SYT1: variants seen among roughly 807,000 people sequenced by gnomAD.
SYT1 encodes synaptotagmin-1.
Under a neutral mutation model 44.8 loss-of-function variants are expected in SYT1, and 8 were observed. The ratio of observed to expected loss-of-function variants is 0.18; its 90% CI spans 0.10 to 0.32. SYT1 has a LOEUF of 0.32. Ranked by LOEUF, SYT1 falls within the 10% of genes least tolerant of loss-of-function variation. The probability of loss-of-function intolerance (pLI) is 1.00; values close to 1 mark genes in which losing one functional copy is unlikely to be tolerated. For synonymous variants in SYT1, 154 were observed against 188.8 expected, an observed-to-expected ratio of 0.82 and a Z score of 1.51; for missense variants, 286 against 509.3, an observed-to-expected ratio of 0.56 and a Z score of 4.22.
Position 79,036,786 on chromosome 12 carries a change from A to G in SYT1, c.-83-10511A>G, listed in dbSNP as rs552398577. Among the ~76,000 whole-genome samples, 7 of 151,852 alleles carry G rather than the reference A, an allele frequency of 4.6e-5. No homozygotes were observed. In the South Asian group the frequency reaches 1.5e-3, roughly 32 times the overall value. On this transcript the variant is annotated intron_variant, in intron 2 of 10. Coordinates refer to ENST00000261205, the MANE Select transcript of SYT1 (RefSeq NM_005639.3). ...TTCTATTTTTCTCATTTCTCTTTAT[A>G]TAATTCATATCAGGCTATTCTCTTT...
intron 4 of SYT1, among the ~76,000 whole-genome samples, chr12:79,249,088 C>CTTTCT (rs1877025840): frequency 5.6e-5 from 4 of 71,814 alleles, no homozygotes; most frequent in Admixed American, 2.3e-4. Flanking sequence ...TTACCTCTTT[C>CTTTCT]TTTTTTTTTT....
intron 4 of SYT1, among the ~76,000 whole-genome samples, chr12:79,250,806 C>T (rs1418360844): frequency 6.6e-6 from 1 of 152,150 alleles, no homozygotes; most frequent in African/African-American, 2.4e-5. Flanking sequence ...CAAAGCTGGA[C>T]ACCAAAGGGC....
intron 2 of SYT1, among the ~76,000 whole-genome samples, chr12:78,988,464 C>T (rs924288556): frequency 6.7e-6 from 1 of 148,566 alleles, no homozygotes; most frequent in African/African-American, 2.5e-5. Flanking sequence ...AGATATATGC[C>T]AAGAAGAAAA....
intron 3 of SYT1, among the ~76,000 whole-genome samples, chr12:79,149,356 G>A (rs182918908): frequency 2.0e-5 from 3 of 152,170 alleles, no homozygotes; most frequent in Admixed American, 2.0e-4. Context: ...ACTGAAATAT[G>A]TTTTTTCTGT....
At chr12:79,169,273 C>T (rs1032819857) in intron 3 of SYT1, among the ~76,000 whole-genome samples, 1 of 151,920 alleles carries the variant, frequency 6.6e-6, no homozygotes. Flanking sequence ...ACTATCCACA[C>T]CAAATTTTAT....
intron 1 of SYT1, among the ~76,000 whole-genome samples, chr12:78,897,576 G>T (rs1875431092): frequency 6.6e-6 from 1 of 152,072 alleles, no homozygotes; most frequent in South Asian, 2.1e-4. Flanking sequence ...TCAGATGATG[G>T]TTTCACACTG....
intron 8 of SYT1, among the ~76,000 whole-genome samples, chr12:79,313,249 C>T (rs942981893): frequency 2.0e-5 from 3 of 152,176 alleles, no homozygotes; most frequent in Admixed American, 2.0e-4. Flanking sequence ...CCAGTCCCTT[C>T]CATACCCATT....
chr12:79,185,443 T>A (rs1230887579), intron 3 of SYT1, among the ~76,000 whole-genome samples: 5 of 152,030 alleles, frequency 3.3e-5, no homozygotes, highest in Non-Finnish European at 2.9e-5. Flanking sequence ...ACCTTTCCAA[T>A]ATCCCTTCTG....
chr12:79,274,561 C>G (rs913870437), intron 4 of SYT1, among the ~76,000 whole-genome samples: 1 of 152,170 alleles, frequency 6.6e-6, no homozygotes, highest in Non-Finnish European at 1.5e-5. Context: ...CTTGGGCAGC[C>G]GCAGCGCAAA....
At chr12:79,365,793 T>C (rs1169119323) in intron 9 of SYT1, among the ~76,000 whole-genome samples, 3 of 126,388 alleles carry the variant, frequency 2.4e-5, no homozygotes, top group Non-Finnish European at 4.6e-5. Flanking sequence ...TAAAAATGTG[T>C]TGCTTAAAAA....
chr12:79,294,582 A>G, intron 6 of SYT1, among the ~76,000 whole-genome samples: 1 of 152,278 alleles, frequency 6.6e-6, no homozygotes, highest in East Asian at 1.9e-4. Context: ...TTAACAAAAT[A>G]TCCAAAAACT....
chr12:79,425,852 G>T (rs543151894), intron 9 of SYT1, among the ~76,000 whole-genome samples: 2 of 152,014 alleles, frequency 1.3e-5, no homozygotes, highest in South Asian at 2.1e-4. Flanking sequence ...ACTTATTGGC[G>T]TATGGCCTTT....
intron 2 of SYT1, among the ~76,000 whole-genome samples, chr12:79,007,865 A>G (rs1401971857): frequency 6.6e-6 from 1 of 152,074 alleles, no homozygotes; most frequent in Admixed American, 6.6e-5. Flanking sequence ...CATGTGGATA[A>G]AAAGTATGAG....
intron 3 of SYT1, among the ~76,000 whole-genome samples, chr12:79,093,497 TAA>T (rs1877918075): frequency 6.6e-6 from 1 of 151,766 alleles, no homozygotes; most frequent in African/African-American, 2.4e-5. Context: ...CTCTTGTTTT[TAA>T]AAGAGAAGAC....
intron 4 of SYT1, among the ~76,000 whole-genome samples, chr12:79,266,210 G>A (rs1424400310): frequency 6.6e-6 from 1 of 152,186 alleles, no homozygotes; most frequent in Non-Finnish European, 1.5e-5. Context: ...GAAGAAAGCA[G>A]TATCCCTCTT....
At chr12:79,424,759 C>T (rs1371287728) in intron 9 of SYT1, among the ~76,000 whole-genome samples, 1 of 151,646 alleles carries the variant, frequency 6.6e-6, no homozygotes, top group Non-Finnish European at 1.5e-5. Flanking sequence ...ATGAAATATT[C>T]TCTTAACTTC....
intron 4 of SYT1, among the ~76,000 whole-genome samples, chr12:79,242,808 G>A (rs776498345): frequency 6.8e-4 from 104 of 152,300 alleles, no homozygotes; most frequent in African/African-American, 2.3e-3. Context: ...TGTATTGCAC[G>A]TGTATATAAC....
At chr12:79,040,635 C>T (rs1196605366) in intron 2 of SYT1, among the ~76,000 whole-genome samples, 1 of 151,812 alleles carries the variant, frequency 6.6e-6, no homozygotes, top group Non-Finnish European at 1.5e-5. Flanking sequence ...TAATTAGATC[C>T]CATTTGTCAA....
chr12:78,939,236 A>G (rs1217858630), intron 1 of SYT1, among the ~76,000 whole-genome samples: 1 of 152,204 alleles, frequency 6.6e-6, no homozygotes, highest in African/African-American at 2.4e-5. Flanking sequence ...AATGTGGACT[A>G]TGAGTTATTA....
Sources: allele counts gnomAD v4.1 joint callset (sites outside exome capture counted in the v4.1 genomes callset), GRCh38; gene constraint gnomAD v4.1.1; transcripts MANE v1.5; gene names NCBI Gene and HGNC (gene_info 2026-07-23, HGNC 2026-07-21).